Variants in ZNF804B observed in about 807,000 individuals in gnomAD.
ZNF804B encodes the protein zinc finger 804B.
A neutral mutation model predicts 101.4 loss-of-function variants in ZNF804B; 80 were observed. The observed-to-expected ratio is 0.79, with a 90% confidence interval of 0.66 to 0.95. The LOEUF is 0.95. ZNF804B is among the 40% of genes least tolerant of loss of function. ZNF804B has a pLI of 0.00. For missense variants in ZNF804B, 1,673 were observed against 1,561.9 expected, an observed-to-expected ratio of 1.07 and a Z score of -1.20; for synonymous variants, 622 against 558.8, an observed-to-expected ratio of 1.11 and a Z score of -1.59.
At chr7:89,026,888 A>T (rs1316311830) in intron 1 of ZNF804B, among the ~76,000 whole-genome samples, 2 of 152,160 alleles carry the variant, frequency 1.3e-5, no homozygotes, top group Non-Finnish European at 2.9e-5. Flanking sequence ...TTAGGAAAAA[A>T]GTCTGAACCA....
chr7:89,273,091 G>A (rs1210084063), intron 2 of ZNF804B, among the ~76,000 whole-genome samples: 1 of 152,098 alleles, frequency 6.6e-6, no homozygotes, highest in East Asian at 1.9e-4. Context: ...ATAAAAACAT[G>A]TAATCAATTT....
At chr7:88,940,442 A>T (rs893207582) in intron 1 of ZNF804B, among the ~76,000 whole-genome samples, 1 of 152,046 alleles carries the variant, frequency 6.6e-6, no homozygotes, top group Admixed American at 6.6e-5. Context: ...TAATACATAC[A>T]TAAGCTAAAA....
At chr7:89,127,510 AC>A (rs1790491726) in intron 1 of ZNF804B, among the ~76,000 whole-genome samples, 1 of 151,878 alleles carries the variant, frequency 6.6e-6, no homozygotes, top group African/African-American at 2.4e-5. Flanking sequence ...TTTTAAAAGT[AC>A]AGGTCAGAGT....
chr7:88,804,141 C>T (rs1235963167), intron 1 of ZNF804B, among the ~76,000 whole-genome samples: 1 of 152,012 alleles, frequency 6.6e-6, no homozygotes, highest in Non-Finnish European at 1.5e-5. Context: ...AATAGTTGAG[C>T]AAAGCCAGGT....
At chr7:89,223,566 G>A (rs7799315) in intron 2 of ZNF804B, among the ~76,000 whole-genome samples, 18,490 of 150,874 alleles carry the variant, frequency 0.12, 1,212 homozygotes, top group Middle Eastern at 0.26. Flanking sequence ...TTCCATTGGA[G>A]CTTTAAAAAT....
At chr7:88,928,618 A>G (rs971636590) in intron 1 of ZNF804B, among the ~76,000 whole-genome samples, 4 of 152,178 alleles carry the variant, frequency 2.6e-5, no homozygotes, top group South Asian at 2.1e-4. Flanking sequence ...CAAAAGTGAC[A>G]GAAATGCCTT....
chr7:88,930,496 C>T lies in ZNF804B; in HGVS notation c.108+170412C>T, dbSNP rs141132556. 4.6e-3 allele frequency among the ~76,000 whole-genome samples: 697 copies of T among 151,986 alleles called. 7 individuals are homozygous for T. Among genetic ancestry groups the T allele is most frequent in the Non-Finnish European group, 7.0e-3 (478 of 67,856 alleles). On this transcript the variant is annotated intron_variant, in intron 1 of 3. Transcript: ENST00000333190. ...ACAAATATCTGAATATAATTCTAGG[C>T]TTATGTTTCCAAAAAATGTCCCAGA...
At chr7:89,244,695 C>T (rs1789417327) in intron 2 of ZNF804B, among the ~76,000 whole-genome samples, 1 of 152,058 alleles carries the variant, frequency 6.6e-6, no homozygotes, top group South Asian at 2.1e-4. Flanking sequence ...GCTATAGAGT[C>T]TAAGAAGATA....
chr7:89,288,547 C>A (rs1293123674), intron 2 of ZNF804B, among the ~76,000 whole-genome samples: 6 of 152,098 alleles, frequency 3.9e-5, no homozygotes, highest in Non-Finnish European at 8.8e-5. Flanking sequence ...AACAATAAAG[C>A]TTTTGGCTTA....
intron 1 of ZNF804B, among the ~76,000 whole-genome samples, chr7:88,902,645 T>C (rs1792409722): frequency 6.6e-6 from 1 of 152,066 alleles, no homozygotes; most frequent in Non-Finnish European, 1.5e-5. Flanking sequence ...TTAAAATATA[T>C]GTTTATAAGA....
intron 1 of ZNF804B, chr7:88,794,455 T>G (rs747327078): frequency 5.6e-6 from 9 of 1,613,818 alleles, no homozygotes; most frequent in Non-Finnish European, 7.6e-6. Context: ...GGACTGTGAC[T>G]GTGTCACATC....
intron 1 of ZNF804B, chr7:88,794,328 A>G (rs754731598): frequency 1.9e-6 from 3 of 1,613,926 alleles, no homozygotes; most frequent in Non-Finnish European, 2.5e-6. Context: ...GGAGTAGGTC[A>G]GGTGCAACTT....
intron 1 of ZNF804B, among the ~76,000 whole-genome samples, chr7:89,107,544 A>G (rs935446574): frequency 3.3e-5 from 5 of 152,176 alleles, no homozygotes; most frequent in African/African-American, 9.6e-5. Context: ...TTAGGATTCT[A>G]AGTCTAAAAG....
intron 1 of ZNF804B, among the ~76,000 whole-genome samples, chr7:89,200,894 C>T (rs1172381836): frequency 1.3e-5 from 2 of 151,950 alleles, no homozygotes; most frequent in African/African-American, 4.8e-5. Context: ...ATGTTTTCAT[C>T]ATACTTCTCA....
chr7:89,154,947 A>T (rs1279279604), intron 1 of ZNF804B, among the ~76,000 whole-genome samples: 1 of 152,004 alleles, frequency 6.6e-6, no homozygotes, highest in East Asian at 1.9e-4. Context: ...GAGGATGGAT[A>T]CCCATTTCCC....
intron 1 of ZNF804B, among the ~76,000 whole-genome samples, chr7:89,093,793 A>C (rs1325014830): frequency 3.3e-5 from 5 of 152,244 alleles, no homozygotes; most frequent in African/African-American, 1.2e-4. Flanking sequence ...AGAAAGGTCC[A>C]ATTATCCAAG....
chr7:88,908,217 A>G (rs925907150), intron 1 of ZNF804B, among the ~76,000 whole-genome samples: 1 of 151,782 alleles, frequency 6.6e-6, no homozygotes, highest in Non-Finnish European at 1.5e-5. Context: ...TACACAGATC[A>G]TATTTTTAAA....
At chr7:88,854,725 G>A (rs1326673436) in intron 1 of ZNF804B, among the ~76,000 whole-genome samples, 11 of 149,050 alleles carry the variant, frequency 7.4e-5, no homozygotes, top group African/African-American at 2.7e-4. Context: ...TTTAACATTA[G>A]GTATATCTCC....
At chr7:89,225,220 T>C (rs1433814770) in intron 2 of ZNF804B, among the ~76,000 whole-genome samples, 1 of 152,120 alleles carries the variant, frequency 6.6e-6, no homozygotes, top group African/African-American at 2.4e-5. Flanking sequence ...CAGAGCCAGC[T>C]GTTCAATATT....
Sources: allele counts gnomAD v4.1 joint callset (sites outside exome capture counted in the v4.1 genomes callset), GRCh38; gene constraint gnomAD v4.1.1; transcripts MANE v1.5; gene names NCBI Gene and HGNC (gene_info 2026-07-23, HGNC 2026-07-21).